Variants in INTS6 observed in about 807,000 individuals in gnomAD.
The protein encoded by INTS6 is integrator complex subunit 6, also known as DEAD box protein.
In INTS6, 16 loss-of-function variants were observed where a neutral mutation model predicts 104.9. The ratio of observed to expected loss-of-function variants is 0.15; its 90% CI spans 0.10 to 0.23. INTS6 has a LOEUF of 0.23. Among genes scored for constraint, INTS6 ranks in the 10% least tolerant of loss-of-function variants. The pLI is 1.00. For synonymous variants in INTS6, 324 were observed against 358.7 expected, an observed-to-expected ratio of 0.90 and a Z score of 1.09; for missense variants, 584 against 1,062.8, an observed-to-expected ratio of 0.55 and a Z score of 6.26.
intron 13 of INTS6, among the ~76,000 whole-genome samples, chr13:51,375,313 C>T (rs1025816728): frequency 2.0e-5 from 3 of 149,030 alleles, no homozygotes; most frequent in Non-Finnish European, 3.0e-5. Flanking sequence ...GATCACACCA[C>T]TGCACTCCAG....
At chr13:51,389,587 C>T (rs1956208623) in intron 5 of INTS6, 143 bp from the exon 6 acceptor site, 2 of 690,548 alleles carry the variant, frequency 2.9e-6, no homozygotes, top group South Asian at 7.7e-5. Flanking sequence ...TAAAAGTTGA[C>T]TAATTTCATT....
the INTS6 span, chr13:51,339,568 GGACC>G: frequency 1.3e-5 from 2 of 152,410 alleles, no homozygotes; most frequent in African/African-American, 4.8e-5. Context: ...CCAGGAATTT[GGACC>G]GAGTGGTAGA....
chr13:51,450,451 T>TCTGGGC, intron 3 of INTS6: 1 of 985,434 alleles, frequency 1.0e-6, no homozygotes, highest in Non-Finnish European at 1.2e-6. Context: ...AAATCAAAAC[T>TCTGGGC]CTGGGCCTGA....
chr13:51,392,893 C>T (rs759945609), intron 5 of INTS6, among the ~76,000 whole-genome samples: 2 of 151,956 alleles, frequency 1.3e-5, no homozygotes, highest in East Asian at 3.9e-4. Flanking sequence ...TCATTAATTA[C>T]CTGATATCAA....
At chr13:51,347,026 T>TG in the INTS6 span, 1 of 1,574,392 alleles carries the variant, frequency 6.4e-7, no homozygotes, top group African/African-American at 1.3e-5. Flanking sequence ...TGCTTGCAGG[T>TG]GGGGGCCCCA....
chr13:51,341,608 G>A, the INTS6 span, among the ~76,000 whole-genome samples: 1 of 152,194 alleles, frequency 6.6e-6, no homozygotes. Context: ...GGATGGTGGT[G>A]ACCCTTGAAT....
At chr13:51,379,420 C>T (rs1262908238) in intron 11 of INTS6, 42 bp downstream of exon 11, 3 of 1,227,272 alleles carry the variant, frequency 2.4e-6, no homozygotes, top group Admixed American at 1.9e-5. Context: ...TAGCCAAAAC[C>T]ATTCAAAATA....
chr13:51,399,850 CT>C (rs1444267649), intron 4 of INTS6, among the ~76,000 whole-genome samples: 2 of 152,074 alleles, frequency 1.3e-5, no homozygotes, highest in East Asian at 3.9e-4. Flanking sequence ...TTAAAGTCTT[CT>C]GCTTATTATT....
intron 4 of INTS6, among the ~76,000 whole-genome samples, chr13:51,418,448 G>A (rs1956833746): frequency 6.6e-6 from 1 of 151,666 alleles, no homozygotes; most frequent in African/African-American, 2.4e-5. Context: ...CAATGAAGAA[G>A]GTTCTCCTCA....
At chr13:51,439,272 GA>G (rs1473433185) in intron 3 of INTS6, 1 of 152,126 alleles carries the variant, frequency 6.6e-6, no homozygotes, top group Non-Finnish European at 1.5e-5. Context: ...CTAATAGAAG[GA>G]AGATGTCAAC....
In INTS6 at chr13:51,427,228, T is replaced by A. The variant is rs896448598; in HGVS notation, c.429+3066A>T. Among the ~76,000 whole-genome samples, 3 of 152,092 alleles carry A rather than the reference T, an allele frequency of 2.0e-5. No individual in the cohort carries two copies. In the South Asian group the frequency reaches 6.2e-4, roughly 31 times the overall value. On this transcript the variant is annotated intron_variant, in intron 4 of 17. Coordinates refer to ENST00000311234, the MANE Select transcript of INTS6 (RefSeq NM_012141.3). ...AAGCCAAACAGGAATTATGTACACA[T>A]ATCTCTAATGTGGAAATTAATGACA...
At chr13:51,395,563 T>C in intron 4 of INTS6, 80 bp from the exon 5 acceptor site, 1 of 1,205,122 alleles carries the variant, frequency 8.3e-7, no homozygotes, top group Non-Finnish European at 1.1e-6. Context: ...ACACTTACGT[T>C]AGAACTGCAT....
chr13:51,347,491 C>T, the INTS6 span, among the ~76,000 whole-genome samples: 3 of 152,178 alleles, frequency 2.0e-5, no homozygotes, highest in Admixed American at 6.5e-5. Flanking sequence ...CTGACATTTC[C>T]TTCTGCACTA....
At chr13:51,389,283 A>G (rs908771425) in intron 6 of INTS6, 36 bp downstream of exon 6, 1 of 1,599,158 alleles carries the variant, frequency 6.3e-7, no homozygotes, top group Non-Finnish European at 8.5e-7. Context: ...ACAATAAAGC[A>G]AGTTTTGAAT....
intron 4 of INTS6, among the ~76,000 whole-genome samples, chr13:51,403,583 A>ACAAAAAAAAAG (rs1956484130): frequency 9.4e-6 from 1 of 106,420 alleles, no homozygotes; most frequent in Non-Finnish European, 1.8e-5. Context: ...CTCCATTTCA[A>ACAAAAAAAAAG]AAAAAAAAAA....
At chr13:51,442,540 C>G (rs189100324) in intron 3 of INTS6, 8 of 152,426 alleles carry the variant, frequency 5.2e-5, no homozygotes, top group Admixed American at 2.6e-4. Context: ...AGAAGTCTTT[C>G]CTGGTTTATC....
At chr13:51,356,459 T>C (rs1955483254) in intron 3 of INTS6, among the ~76,000 whole-genome samples, 1 of 152,214 alleles carries the variant, frequency 6.6e-6, no homozygotes, top group Non-Finnish European at 1.5e-5. Flanking sequence ...AGCTCAGCCA[T>C]GGCATCCCTG....
chr13:51,443,709 A>C (rs1325959105), intron 3 of INTS6: 1 of 152,210 alleles, frequency 6.6e-6, no homozygotes, highest in Non-Finnish European at 1.5e-5. Context: ...TTTTAAAATT[A>C]AAAAGCCCCA....
intron 12 of INTS6, 47 bp from the exon 13 acceptor site, chr13:51,376,221 T>C (rs754600391): frequency 1.3e-6 from 2 of 1,497,910 alleles, no homozygotes; most frequent in Non-Finnish European, 9.0e-7. Context: ...AACATAGAAT[T>C]ACAAGAGACT....
Sources: allele counts gnomAD v4.1 joint callset (sites outside exome capture counted in the v4.1 genomes callset), GRCh38; gene constraint gnomAD v4.1.1; transcripts MANE v1.5; gene names NCBI Gene and HGNC (gene_info 2026-07-23, HGNC 2026-07-21).